The following NAF1 variants were observed in gnomAD, a reference collection of about 807,000 sequenced individuals.
NAF1 encodes H/ACA ribonucleoprotein complex non-core subunit NAF1.
In NAF1, 11 loss-of-function variants were observed where a neutral mutation model predicts 40.6. That is an observed-to-expected ratio of 0.27 (90% CI 0.17 to 0.45). NAF1 has a LOEUF of 0.45. Among genes scored for constraint, NAF1 ranks in the 20% least tolerant of loss-of-function variants. The pLI, the probability that NAF1 is intolerant of heterozygous loss-of-function variation, is 1.00. For missense variants in NAF1, 607 were observed against 611.1 expected (o/e 0.99, Z 0.07); for synonymous variants, 260 against 228.5 (o/e 1.14, Z -1.24).
downstream of NAF1, among the ~76,000 whole-genome samples, chr4:163,123,444 T>A (rs1487985647): frequency 6.6e-6 from 1 of 152,228 alleles, no homozygotes; most frequent in East Asian, 1.9e-4. Flanking sequence ...TACCATGGTG[T>A]GATCATAGCT....
At chr4:163,120,110 T>A (rs890263541) in intron 2 of NAF1, 1 of 152,218 alleles carries the variant, frequency 6.6e-6, no homozygotes, top group African/African-American at 2.4e-5. Flanking sequence ...TGATACATAA[T>A]CAAACAGACA....
intron 2 of NAF1, chr4:163,157,295 G>A (rs1312312664): frequency 1.3e-5 from 2 of 151,910 alleles, no homozygotes; most frequent in African/African-American, 4.8e-5. Flanking sequence ...ACCAAATAAT[G>A]AGAAAGTCCA....
chr4:163,150,393 G>A (rs1275071525), intron 2 of NAF1, among the ~76,000 whole-genome samples: 2 of 152,058 alleles, frequency 1.3e-5, no homozygotes, highest in Non-Finnish European at 2.9e-5. Flanking sequence ...ATGTTAACAT[G>A]TATCTTTCAA....
At chr4:163,166,157 A>C (rs1282987902) in intron 1 of NAF1, among the ~76,000 whole-genome samples, 7 of 152,218 alleles carry the variant, frequency 4.6e-5, no homozygotes, top group African/African-American at 1.2e-4. Context: ...GTCAGTACTA[A>C]GCTCAGATTC....
chr4:163,110,449 G>GT (rs1434251016), intron 2 of NAF1, among the ~76,000 whole-genome samples: 1 of 152,104 alleles, frequency 6.6e-6, no homozygotes, highest in Admixed American at 6.6e-5. Flanking sequence ...TCATAGGTAT[G>GT]TAAGTATAGG....
At chr4:163,120,201 T>C (rs1025655658) in intron 2 of NAF1, among the ~76,000 whole-genome samples, 1 of 152,150 alleles carries the variant, frequency 6.6e-6, no homozygotes, top group African/African-American at 2.4e-5. Context: ...AATAAAACAC[T>C]TGAAAAGCTG....
intron 3 of NAF1, among the ~76,000 whole-genome samples, chr4:163,147,303 G>A (rs1731509987): frequency 6.6e-6 from 1 of 152,114 alleles, no homozygotes; most frequent in Non-Finnish European, 1.5e-5. Context: ...TATACAACTG[G>A]TCCTAAGAGC....
chr4:163,144,918 T>G (rs1731404136), intron 4 of NAF1, among the ~76,000 whole-genome samples: 2 of 152,162 alleles, frequency 1.3e-5, no homozygotes, highest in South Asian at 4.1e-4. Flanking sequence ...AGTTAGGTAC[T>G]AAGAAAAAAA....
chr4:163,144,301 T>C (rs1316568166), intron 4 of NAF1, among the ~76,000 whole-genome samples: 2 of 152,192 alleles, frequency 1.3e-5, no homozygotes, highest in Non-Finnish European at 2.9e-5. Flanking sequence ...GCTTTGTGAC[T>C]TTTTAGCAAG....
chr4:163,128,964 G>T lies in NAF1; in HGVS notation c.1418C>A (p.Pro473His). The T allele has an allele frequency of 6.9e-7, 1 of 1,456,680 alleles. No individual in the cohort carries two copies. The highest frequency in any genetic ancestry group is 1.2e-5 in the South Asian group (1 of 81,600). The allele number at this position is 1,456,680 out of a possible 1,614,324, so 90.2% of individuals were successfully genotyped here. A position where few individuals can be genotyped will look rare whatever the true frequency, so the allele number is the denominator to read the frequency against. ...NLPYSLPPPP[P>H]PPPLPPPPSS... is the part of the protein sequence containing the mutation. Reference sequence around the variant, plus strand: ...GGGTGGAGGAGGCAGTGGTGGAGGGGGAGGGGGTGGGGGTAGGGAGTATGG... The same window carrying T: ...GGGTGGAGGAGGCAGTGGTGGAGGGTGAGGGGGTGGGGGTAGGGAGTATGG... The change falls in exon 8 of 8, where the codon CCC becomes CAC. Residue 473 changes from proline to histidine, a missense_variant. Coordinates refer to ENST00000274054, the MANE Select transcript of NAF1 (RefSeq NM_138386.3).
chr4:163,152,917 G>T (rs1056297613), intron 2 of NAF1, among the ~76,000 whole-genome samples: 17 of 152,210 alleles, frequency 1.1e-4, no homozygotes, highest in African/African-American at 3.6e-4. Flanking sequence ...GTGGGCATGG[G>T]CTTGGAGGGC....
intron 2 of NAF1, among the ~76,000 whole-genome samples, chr4:163,113,002 A>G (rs988544384): frequency 3.3e-5 from 5 of 152,176 alleles, no homozygotes; most frequent in South Asian, 2.1e-4. Flanking sequence ...GTTCAACTCT[A>G]TATGTGTAGA....
chr4:163,129,232 G>A lies in NAF1; in HGVS notation c.1150C>T (p.Arg384Ter). 3 of 1,613,708 alleles carry A rather than the reference G, an allele frequency of 1.9e-6. No homozygotes were observed. The highest frequency in any genetic ancestry group is 2.5e-6 in the Non-Finnish European group (3 of 1,179,636). The change falls in exon 8 of 8, where the codon CGA becomes TGA. Residue 384 changes from arginine to a stop codon, truncating the protein, a stop_gained. Transcript: ENST00000274054. LOFTEE classifies it low-confidence loss of function (END_TRUNC). ...TRGFSRARYP[R>*]SCHGRPPPQH... ...GGTGGAGGCCTGCCATGGCAAGATC[G>A]AGGGTATCTGGCCCTGGAAAATCCT...
intron 2 of NAF1, among the ~76,000 whole-genome samples, chr4:163,162,948 A>T (rs538251944): frequency 6.1e-4 from 93 of 152,296 alleles, no homozygotes; most frequent in African/African-American, 2.1e-3. Flanking sequence ...TACCTAAACA[A>T]ATATGCTAAG....
chr4:163,120,093 T>C (rs1238030650), intron 2 of NAF1: 2 of 152,254 alleles, frequency 1.3e-5, no homozygotes, highest in Admixed American at 6.5e-5. Context: ...TGAGATGAAA[T>C]GCTGCATGAT....
At chr4:163,146,028 A>G (rs1283089943) in intron 3 of NAF1, among the ~76,000 whole-genome samples, 164 bp from the exon 4 acceptor site, 1 of 152,166 alleles carries the variant, frequency 6.6e-6, no homozygotes, top group East Asian at 1.9e-4. Flanking sequence ...CTTATTACCA[A>G]ATAGCACTGG....
chr4:163,125,000 T>A (rs1005993553), downstream of NAF1, among the ~76,000 whole-genome samples: 2 of 152,244 alleles, frequency 1.3e-5, no homozygotes, highest in African/African-American at 4.8e-5. Context: ...ATTTGTGTTA[T>A]AGCGATCTCA....
downstream of NAF1, among the ~76,000 whole-genome samples, chr4:163,106,566 T>C (rs929447703): frequency 1.2e-4 from 16 of 135,414 alleles, no homozygotes; most frequent in African/African-American, 3.6e-4. Flanking sequence ...ACTACTGAAA[T>C]AATATGAATA....
Position 163,133,176 on chromosome 4 carries a change from G to C in NAF1, c.1011C>G (p.Leu337=). The change falls in exon 7 of 8, where the codon CTC becomes CTG. Residue 337 remains leucine, a synonymous_variant. Coordinates refer to ENST00000274054, the MANE Select transcript of NAF1 (RefSeq NM_138386.3). ...KKSQIQGRKK[L]KSEFNEPGED... ...CACCAGGCTCATTAAATTCAGATTT[G>C]AGTTTTTTCCGGCCTTGAATCTGAG... The C allele has an allele frequency of 1.2e-6, 2 of 1,613,666 alleles. No individual in the cohort carries two copies. The highest frequency in any genetic ancestry group is 1.7e-6 in the Non-Finnish European group (2 of 1,179,742).
Sources: gnomAD v4.1 joint callset for allele counts (sites outside exome capture counted in the v4.1 genomes callset) on GRCh38, gnomAD v4.1.1 for gene constraint, MANE v1.5 for transcripts, NCBI Gene and HGNC (gene_info 2026-07-23, HGNC 2026-07-21) for gene names.